SPON1: variants seen among roughly 807,000 people sequenced by gnomAD.
SPON1 encodes the protein spondin 1.
SPON1 carries 52 observed loss-of-function variants against 111.7 expected under a neutral mutation model. The ratio of observed to expected loss-of-function variants is 0.47; its 90% confidence interval spans 0.37 to 0.59. The LOEUF (loss-of-function observed/expected upper bound fraction) is 0.59. Ranked by LOEUF, SPON1 falls within the 20% of genes least tolerant of loss-of-function variation. SPON1 has a pLI of 0.00. For synonymous variants in SPON1, 410 were observed against 395.8 expected (o/e 1.04, Z -0.43); for missense variants, 957 against 1,068.5 (o/e 0.90, Z 1.46).
At chr11:14,190,504 T>C (rs1554934439) in intron 6 of SPON1, among the ~76,000 whole-genome samples, 2 of 151,754 alleles carry the variant, frequency 1.3e-5, no homozygotes, top group Admixed American at 6.6e-5. Context: ...CTTTACTTCC[T>C]TCCTTCTTTA....
At chr11:13,999,410 G>A (rs1348887070) in intron 2 of SPON1, among the ~76,000 whole-genome samples, 1 of 150,060 alleles carries the variant, frequency 6.7e-6, no homozygotes, top group Non-Finnish European at 1.5e-5. Context: ...ACACATTGCT[G>A]TATCATTTTC....
Position 14,253,425 on chromosome 11 carries a change from A to G in SPON1, c.891-1103A>G, listed in dbSNP as rs79977340. On this transcript the variant is annotated intron_variant, in intron 7 of 15. Transcript: ENST00000576479. Reference sequence around the variant, plus strand: ...TGATCACCATTTTAAAGATTTGGACACTGAGACGCAGAAAGGTTTGATAAT... The same window carrying G: ...TGATCACCATTTTAAAGATTTGGACGCTGAGACGCAGAAAGGTTTGATAAT... Among the ~76,000 whole-genome samples the G allele has an allele frequency of 2.0e-5, 3 of 152,356 alleles. No homozygotes were observed. In the South Asian group the frequency reaches 6.2e-4, roughly 32 times the overall value.
At chr11:13,971,106 C>T (rs1435485449) in intron 1 of SPON1, among the ~76,000 whole-genome samples, 2 of 152,196 alleles carry the variant, frequency 1.3e-5, no homozygotes, top group Non-Finnish European at 2.9e-5. Context: ...GAAAGGTGAG[C>T]ACCCAAGGGA....
At chr11:14,069,055 G>C (rs997662173) in intron 3 of SPON1, among the ~76,000 whole-genome samples, 4 of 152,098 alleles carry the variant, frequency 2.6e-5, no homozygotes, top group Admixed American at 2.0e-4. Flanking sequence ...AACCATATAT[G>C]AATCTACAAT....
chr11:14,060,756 G>A (rs1210247403), intron 3 of SPON1, among the ~76,000 whole-genome samples: 1 of 152,180 alleles, frequency 6.6e-6, no homozygotes, highest in Non-Finnish European at 1.5e-5. Flanking sequence ...CACATCACAA[G>A]CACTCAGTAG....
chr11:14,243,934 C>T (rs1181032254), intron 7 of SPON1, among the ~76,000 whole-genome samples: 1 of 152,208 alleles, frequency 6.6e-6, no homozygotes, highest in African/African-American at 2.4e-5. Flanking sequence ...GGTTTTTGGA[C>T]AGCTCTCCAT....
chr11:13,969,951 G>A (rs1848049659), intron 1 of SPON1, among the ~76,000 whole-genome samples: 1 of 152,222 alleles, frequency 6.6e-6, no homozygotes, highest in Non-Finnish European at 1.5e-5. Context: ...GAGTAAGGGA[G>A]CTGAGAGGCT....
intron 6 of SPON1, among the ~76,000 whole-genome samples, chr11:14,204,216 A>G (rs1372393788): frequency 6.6e-6 from 1 of 152,208 alleles, no homozygotes; most frequent in Non-Finnish European, 1.5e-5. Context: ...GAGGAAGGGT[A>G]CAGCTCTTGG....
At chr11:14,254,798 A>C in intron 8 of SPON1, 69 bp downstream of exon 8, 1 of 1,483,700 alleles carries the variant, frequency 6.7e-7, no homozygotes. Flanking sequence ...CTGGACACAG[A>C]GGGGATCTGT....
chr11:14,103,431 G>T (rs782055178), intron 5 of SPON1, among the ~76,000 whole-genome samples: 3 of 152,186 alleles, frequency 2.0e-5, no homozygotes, highest in Non-Finnish European at 2.9e-5. Flanking sequence ...AGACATCTGG[G>T]TTGCAGGACA....
At chr11:14,261,115 G>GTGACCATTTTAATTCCCCA (rs1399067578) in intron 14 of SPON1, among the ~76,000 whole-genome samples, 22 of 152,160 alleles carry the variant, frequency 1.4e-4, no homozygotes, top group South Asian at 2.1e-4. Flanking sequence ...TATTTTCCCT[G>GTGACCATTTTAATTCCCCA]TGACCATTTT....
At chr11:14,246,309 T>C (rs1029004220) in intron 7 of SPON1, among the ~76,000 whole-genome samples, 1 of 152,180 alleles carries the variant, frequency 6.6e-6, no homozygotes, top group East Asian at 1.9e-4. Context: ...CGCTGACATT[T>C]ATTATCCCTT....
intron 3 of SPON1, among the ~76,000 whole-genome samples, chr11:14,050,501 C>T (rs951802257): frequency 1.3e-5 from 2 of 152,152 alleles, no homozygotes; most frequent in Non-Finnish European, 2.9e-5. Flanking sequence ...ATTTATCTGG[C>T]CCTTTATAGA....
At chr11:13,992,510 C>G (rs1554911312) in intron 2 of SPON1, among the ~76,000 whole-genome samples, 2 of 152,146 alleles carry the variant, frequency 1.3e-5, no homozygotes, top group African/African-American at 4.8e-5. Context: ...GGGGGTGGGA[C>G]CTGCCGAGCC....
chr11:14,003,205 AGTT>A (rs1253892471), intron 2 of SPON1, among the ~76,000 whole-genome samples: 1 of 152,104 alleles, frequency 6.6e-6, no homozygotes, highest in Non-Finnish European at 1.5e-5. Flanking sequence ...GCAGCAGGGG[AGTT>A]CCCACACAAG....
chr11:14,259,563 G>A lies in SPON1; in HGVS notation c.1693G>A (p.Gly565Ser). 1.9e-6 allele frequency: 3 copies of A among 1,552,880 alleles called. No homozygotes were observed. The highest frequency in any genetic ancestry group is 2.6e-6 in the Non-Finnish European group (3 of 1,148,436). ...SPSSCLMTEW[G>S]EWDECSATCG... ...CAGCAGCTGCCTGATGACCGAGTGG[G>A]GCGAGTGGGACGAGTGCAGCGCCAC... The change falls in exon 13 of 16, where the codon GGC (glycine) becomes AGC (serine). Residue 565 changes from glycine (G) to serine (S), a missense_variant. Gly to Ser is a moderately conservative substitution (Grantham distance 56). This residue lies in a region of SPON1 where 549 missense variants were observed against 606.2 expected (regional missense o/e 0.91). Transcript: ENST00000576479. The surrounding 1 kb of genome is among the most constrained non-coding windows in gnomAD (Gnocchi z 5.0).
At chr11:14,249,466 C>T (rs1259397325) in intron 7 of SPON1, among the ~76,000 whole-genome samples, 1 of 152,240 alleles carries the variant, frequency 6.6e-6, no homozygotes, top group African/African-American at 2.4e-5. Flanking sequence ...TTGCAGGAAC[C>T]TCCCTCAAAC....
chr11:13,978,495 TATA>T (rs1848119521), intron 1 of SPON1, among the ~76,000 whole-genome samples: 2 of 152,194 alleles, frequency 1.3e-5, no homozygotes, highest in African/African-American at 4.8e-5. Flanking sequence ...AAACACAAAA[TATA>T]ATCTAATTCG....
chr11:14,233,436 A>G (rs1459352840), intron 6 of SPON1, among the ~76,000 whole-genome samples: 4 of 152,166 alleles, frequency 2.6e-5, no homozygotes, highest in African/African-American at 9.7e-5. Context: ...GAATCAGGTC[A>G]TACCACTCTT....
Sources: allele counts gnomAD v4.1 joint callset (sites outside exome capture counted in the v4.1 genomes callset), GRCh38; gene constraint gnomAD v4.1.1; regional missense constraint gnomAD v4.1.1; non-coding constraint Gnocchi (gnomAD v3.1); transcripts MANE v1.5; gene names NCBI Gene and HGNC (gene_info 2026-07-23, HGNC 2026-07-21).